The following CTNNA2 variants were observed in gnomAD, a reference collection of about 807,000 sequenced individuals.
The protein encoded by CTNNA2 is catenin alpha-2.
In CTNNA2, 42 loss-of-function variants were observed where a neutral mutation model predicts 101.0. The ratio of observed to expected loss-of-function variants is 0.42; its 90% CI spans 0.32 to 0.54. CTNNA2 has a LOEUF of 0.54. CTNNA2 is among the 20% of genes least tolerant of loss of function. The pLI is 0.14. For synonymous variants in CTNNA2, 450 were observed against 456.4 expected (o/e 0.99, Z 0.18); for missense variants, 871 against 1,223.1 (o/e 0.71, Z 4.29).
At chr2:80,255,017 A>G (rs1371611366) in intron 7 of CTNNA2, among the ~76,000 whole-genome samples, 2 of 152,106 alleles carry the variant, frequency 1.3e-5, no homozygotes, top group Non-Finnish European at 2.9e-5. Context: ...TTCTAGGGTT[A>G]TCCTGAGCAG....
intron 16 of CTNNA2, chr2:80,605,777 G>A (rs897267638): frequency 6.6e-6 from 1 of 151,866 alleles, no homozygotes; most frequent in African/African-American, 2.4e-5. Context: ...ATTTAAGATG[G>A]CTAATCCAAG....
At chr2:79,259,231 C>T (rs1266075350) in intron 2 of CTNNA2, among the ~76,000 whole-genome samples, 4 of 152,138 alleles carry the variant, frequency 2.6e-5, no homozygotes, top group African/African-American at 4.8e-5. Flanking sequence ...CTTATTCTCC[C>T]TGTTGCTTAG....
At chr2:79,942,145 A>G (rs763772410) in intron 7 of CTNNA2, among the ~76,000 whole-genome samples, 2 of 152,156 alleles carry the variant, frequency 1.3e-5, no homozygotes, top group South Asian at 2.1e-4. Context: ...ATCAAATCTT[A>G]CAGGTGAGGG....
chr2:80,377,831 A>T lies in CTNNA2; in HGVS notation c.1057-15380A>T, dbSNP rs142458603. Among the ~76,000 whole-genome samples, 362 of 152,254 alleles carry T rather than the reference A, an allele frequency of 2.4e-3. 2 individuals carry two copies. The highest frequency in any genetic ancestry group is 8.2e-3 in the African/African-American group (341 of 41,542). On this transcript the variant is annotated intron_variant, in intron 7 of 18. Coordinates refer to ENST00000402739, the MANE Select transcript of CTNNA2 (RefSeq NM_001282597.3). ...CAGGTTGGTATGAGATTCTGGAAGA[A>T]CTAAGATTTTGGAATTTATCTTCCT...
chr2:80,070,395 A>G (rs923338758), intron 7 of CTNNA2, among the ~76,000 whole-genome samples: 13 of 152,248 alleles, frequency 8.5e-5, no homozygotes, highest in African/African-American at 3.1e-4. Context: ...AAAGCAACAG[A>G]AATTTGTTTT....
intron 1 of CTNNA2, among the ~76,000 whole-genome samples, chr2:79,592,692 A>G (rs965864496): frequency 1.3e-5 from 2 of 152,176 alleles, no homozygotes; most frequent in African/African-American, 2.4e-5. Context: ...ATCCAGTGAA[A>G]AAAGTTTATA....
chr2:79,643,484 G>T (rs1680594840), intron 1 of CTNNA2, among the ~76,000 whole-genome samples: 1 of 152,110 alleles, frequency 6.6e-6, no homozygotes, highest in African/African-American at 2.4e-5. Flanking sequence ...AACTCTTGGG[G>T]TGGGTCCCGG....
chr2:79,815,158 A>T (rs193079552), intron 3 of CTNNA2, among the ~76,000 whole-genome samples: 68 of 152,116 alleles, frequency 4.5e-4, no homozygotes, highest in African/African-American at 1.5e-3. Context: ...TCTGTTGTAG[A>T]TTTTGGATAT....
At chr2:79,250,552 C>A (rs1431334330) in intron 2 of CTNNA2, among the ~76,000 whole-genome samples, 1 of 152,176 alleles carries the variant, frequency 6.6e-6, no homozygotes, top group East Asian at 1.9e-4. Context: ...ACTCCCTTTA[C>A]CCTTGAGCGA....
At chr2:80,292,201 A>G (rs939795298) in intron 7 of CTNNA2, among the ~76,000 whole-genome samples, 1 of 152,208 alleles carries the variant, frequency 6.6e-6, no homozygotes, top group African/African-American at 2.4e-5. Context: ...GCCACATGCC[A>G]GACACCATTC....
chr2:79,464,468 G>A (rs971210003), intron 4 of CTNNA2, among the ~76,000 whole-genome samples: 4 of 152,198 alleles, frequency 2.6e-5, no homozygotes, highest in Non-Finnish European at 5.9e-5. Flanking sequence ...CTTTATAGCA[G>A]CATGATTTAC....
At chr2:79,434,453 T>C (rs1408987011) in intron 4 of CTNNA2, among the ~76,000 whole-genome samples, 2 of 152,100 alleles carry the variant, frequency 1.3e-5, no homozygotes, top group African/African-American at 2.4e-5. Flanking sequence ...CAAAAGATAA[T>C]CTAGCTGGAG....
rs199934715 is a variant in CTNNA2, at chr2:79,573,340, GT to G, written c.-6+60135del. The stretch of plus-strand genomic sequence containing the variant: ...CATATCTTACTGGTAAGTTTTATTT[GT>G]TCCTAGCCTCATACCCAAATGCAAT... On this transcript the variant is annotated intron_variant, in intron 1 of 18. Transcript: ENST00000402739. 5.9e-3 allele frequency among the ~76,000 whole-genome samples: 894 copies of G among 152,256 alleles called. 2 individuals carry two copies. The highest frequency in any genetic ancestry group is 0.02 in the African/African-American group (843 of 41,540).
At chr2:80,584,636 A>G (rs1465719002) in intron 14 of CTNNA2, among the ~76,000 whole-genome samples, 3 of 152,104 alleles carry the variant, frequency 2.0e-5, no homozygotes, top group Non-Finnish European at 4.4e-5. Context: ...TTGGAGTCAC[A>G]CAGACCTGAT....
chr2:80,010,606 T>A (rs1693710001), intron 7 of CTNNA2, among the ~76,000 whole-genome samples: 1 of 152,096 alleles, frequency 6.6e-6, no homozygotes, highest in Non-Finnish European at 1.5e-5. Context: ...CCCAGGAACA[T>A]TAAGTGATTT....
chr2:80,544,974 C>T lies in CTNNA2; in HGVS notation c.1291-8C>T. The T allele has an allele frequency of 6.2e-7, 1 of 1,613,270 alleles. No individual in the cohort carries two copies. The highest frequency in any genetic ancestry group is 8.5e-7 in the Non-Finnish European group (1 of 1,179,448). Reference sequence around the variant, plus strand: ...ACCTAATATTCACTAAAATCCTCTTCAATACAGGTTGCCAATTTGGCCTGT... The same window carrying T: ...ACCTAATATTCACTAAAATCCTCTTTAATACAGGTTGCCAATTTGGCCTGT... On this transcript the variant is annotated splice_polypyrimidine_tract_variant and splice_region_variant and intron_variant, in intron 9 of 18. Coordinates refer to ENST00000402739, the MANE Select transcript of CTNNA2 (RefSeq NM_001282597.3).
intron 4 of CTNNA2, 37 bp from the exon 5 acceptor site, chr2:79,869,779 T>C (rs769738111): frequency 2.5e-6 from 4 of 1,597,238 alleles, no homozygotes; most frequent in African/African-American, 2.7e-5. Flanking sequence ...ATTTAAATAC[T>C]ATCCACTAAT....
intron 7 of CTNNA2, among the ~76,000 whole-genome samples, chr2:79,987,317 G>T (rs1558702923): frequency 6.6e-6 from 1 of 152,158 alleles, no homozygotes; most frequent in Non-Finnish European, 1.5e-5. Context: ...TCTCCAGCTT[G>T]CTCACTGTCC....
chr2:80,027,598 T>A (rs1223129859), intron 7 of CTNNA2, among the ~76,000 whole-genome samples: 1 of 152,106 alleles, frequency 6.6e-6, no homozygotes, highest in African/African-American at 2.4e-5. Flanking sequence ...TGGTTAGCAC[T>A]GGAAGTGAAG....
Sources: gnomAD v4.1 joint callset for allele counts (sites outside exome capture counted in the v4.1 genomes callset) on GRCh38, gnomAD v4.1.1 for gene constraint, MANE v1.5 for transcripts, NCBI Gene and HGNC (gene_info 2026-07-23, HGNC 2026-07-21) for gene names.